PICALM: variants seen among roughly 807,000 people sequenced by gnomAD.
The protein encoded by PICALM is phosphatidylinositol binding clathrin assembly protein.
Under a neutral mutation model 80.5 loss-of-function variants are expected in PICALM, and 40 were observed. The ratio of observed to expected loss-of-function variants is 0.50; its 90% confidence interval spans 0.39 to 0.65. The LOEUF (loss-of-function observed/expected upper bound fraction) is 0.65. Ranked by LOEUF, PICALM falls within the 30% of genes least tolerant of loss-of-function variation. The pLI, the probability that PICALM is intolerant of heterozygous loss-of-function variation, is 0.00. For missense variants in PICALM, 676 were observed against 778.9 expected (o/e 0.87, Z 1.57); for synonymous variants, 288 against 260.3 (o/e 1.11, Z -1.02).
chr11:86,051,596 G>A (rs1335180757), intron 1 of PICALM, among the ~76,000 whole-genome samples: 1 of 152,190 alleles, frequency 6.6e-6, no homozygotes, highest in African/African-American at 2.4e-5. Flanking sequence ...GGGAGGCAGA[G>A]GTTGCAGTGA....
intron 14 of PICALM, among the ~76,000 whole-genome samples, chr11:85,983,284 G>A (rs566631546): frequency 4.6e-5 from 7 of 152,060 alleles, no homozygotes; most frequent in Non-Finnish European, 1.0e-4. Context: ...AAATTAACAA[G>A]GTATTAATGA....
chr11:85,979,342 T>C (rs2094371487), intron 17 of PICALM, among the ~76,000 whole-genome samples: 2 of 151,982 alleles, frequency 1.3e-5, no homozygotes, highest in South Asian at 4.2e-4. Flanking sequence ...ATTTAAAAAT[T>C]AGCTGGACCT....
intron 1 of PICALM, among the ~76,000 whole-genome samples, chr11:86,035,077 AG>A (rs1277293913): frequency 1.3e-5 from 2 of 152,192 alleles, no homozygotes; most frequent in African/African-American, 4.8e-5. Context: ...CAAAAACAAT[AG>A]AAAAACAGTG....
intron 1 of PICALM, among the ~76,000 whole-genome samples, chr11:86,055,698 T>C (rs2096258182): frequency 6.6e-6 from 1 of 152,222 alleles, no homozygotes; most frequent in Non-Finnish European, 1.5e-5. Context: ...TGTTTCTTCA[T>C]ACCATATACA....
chr11:85,995,860 T>G (rs1214410448), intron 12 of PICALM, among the ~76,000 whole-genome samples: 2 of 152,290 alleles, frequency 1.3e-5, no homozygotes, highest in African/African-American at 4.8e-5. Context: ...AACTTTAAAC[T>G]ATTAATATCT....
At chr11:86,021,658 C>T (rs899873000) in intron 4 of PICALM, among the ~76,000 whole-genome samples, 2 of 152,022 alleles carry the variant, frequency 1.3e-5, no homozygotes, top group African/African-American at 4.8e-5. Context: ...TAAGAGTTAC[C>T]ATATGACACA....
Position 85,958,826 on chromosome 11 carries a change from A to C in PICALM, c.*220T>G. On this transcript the variant is annotated 3_prime_UTR_variant, in exon 20 of 20. Coordinates refer to ENST00000393346, the MANE Select transcript of PICALM (RefSeq NM_007166.4). ...CACCAAAAAGACAGATCTTAGTCTT[A>C]AATCATAGCAATTCTTGGCTTTATA... 7.1e-6 allele frequency: 3 copies of C among 422,810 alleles called. No homozygotes were observed. The highest frequency in any genetic ancestry group is 3.1e-4 in the Middle Eastern group (1 of 3,238). The allele number at this position is 422,810 out of a possible 1,614,324, so 26.2% of individuals were successfully genotyped here.
intron 4 of PICALM, among the ~76,000 whole-genome samples, chr11:86,017,083 C>G (rs1290596193): frequency 1.3e-5 from 2 of 152,050 alleles, no homozygotes; most frequent in African/African-American, 2.4e-5. Context: ...AGTAGCCGGG[C>G]ACAGTGGCAT....
chr11:85,990,711 C>T (rs1020838743), intron 12 of PICALM, among the ~76,000 whole-genome samples: 2 of 152,120 alleles, frequency 1.3e-5, no homozygotes, highest in African/African-American at 4.8e-5. Flanking sequence ...CACCAATCTT[C>T]CCTGTCCTAG....
chr11:86,041,378 C>T (rs186494533), intron 1 of PICALM, among the ~76,000 whole-genome samples: 25 of 152,248 alleles, frequency 1.6e-4, no homozygotes, highest in African/African-American at 5.8e-4. Context: ...ATTCCTCCTC[C>T]TGCCACTATA....
intron 11 of PICALM, among the ~76,000 whole-genome samples, chr11:85,998,780 A>G (rs956084151): frequency 2.6e-5 from 4 of 151,916 alleles, no homozygotes; most frequent in African/African-American, 4.8e-5. Flanking sequence ...ACTGTCTCAA[A>G]AGAGAGAGAG....
intron 1 of PICALM, among the ~76,000 whole-genome samples, chr11:86,067,984 C>G (rs552805370): frequency 3.9e-4 from 59 of 152,268 alleles, no homozygotes; most frequent in African/African-American, 1.3e-3. Context: ...AGAAGGTAAT[C>G]TGAAATAAAA....
At chr11:86,022,575 T>C (rs1223424211) in intron 3 of PICALM, 106 bp from the exon 4 acceptor site, 1 of 570,668 alleles carries the variant, frequency 1.8e-6, no homozygotes, top group Non-Finnish European at 3.1e-6. Context: ...ATCCAATGGC[T>C]ATAAAATGTC....
intron 1 of PICALM, 118 bp downstream of exon 1, chr11:86,068,533 C>G (rs1388458435): frequency 1.0e-6 from 1 of 967,346 alleles, no homozygotes; most frequent in African/African-American, 1.7e-5. Context: ...CCGGCCGTGC[C>G]AGAGAAGACG....
At chr11:85,973,982 T>C (rs1346458327) in intron 19 of PICALM, among the ~76,000 whole-genome samples, 1 of 152,004 alleles carries the variant, frequency 6.6e-6, no homozygotes, top group Non-Finnish European at 1.5e-5. Context: ...TCCCAGAGTA[T>C]GCCACCAGAG....
chr11:86,008,952 C>CAAAAAAAAAAA (rs59740555), intron 7 of PICALM, among the ~76,000 whole-genome samples: 3 of 62,830 alleles, frequency 4.8e-5, no homozygotes, highest in Non-Finnish European at 6.2e-5. Flanking sequence ...AAAAAAAAGC[C>CAAAAAAAAAAA]AAAAAAAAAA....
At chr11:86,038,745 C>G (rs2095889746) in intron 1 of PICALM, among the ~76,000 whole-genome samples, 1 of 150,996 alleles carries the variant, frequency 6.6e-6, no homozygotes, top group South Asian at 2.1e-4. Context: ...CCACGGCACT[C>G]CAGCCTGGGC....
intron 1 of PICALM, among the ~76,000 whole-genome samples, chr11:86,048,916 T>C (rs534351769): frequency 6.0e-5 from 9 of 149,892 alleles, no homozygotes; most frequent in African/African-American, 2.2e-4. Flanking sequence ...TTTACTTCAA[T>C]AAGGAAATGT....
intron 1 of PICALM, among the ~76,000 whole-genome samples, chr11:86,062,163 C>T (rs750473093): frequency 3.9e-5 from 6 of 152,028 alleles, no homozygotes; most frequent in East Asian, 1.9e-4. Context: ...AACATTGTAC[C>T]GCTACAACAG....
Sources: allele counts gnomAD v4.1 joint callset (sites outside exome capture counted in the v4.1 genomes callset), GRCh38; gene constraint gnomAD v4.1.1; transcripts MANE v1.5; gene names NCBI Gene and HGNC (gene_info 2026-07-23, HGNC 2026-07-21).